TLL2: variants seen among roughly 807,000 people sequenced by gnomAD.
TLL2 encodes tolloid-like protein 2.
In TLL2, 106 loss-of-function variants were observed where a neutral mutation model predicts 123.0. The observed-to-expected ratio is 0.86, with a 90% CI of 0.74 to 1.01. TLL2 has a LOEUF of 1.01. Among genes scored for constraint, TLL2 ranks in the 50% least tolerant of loss-of-function variants. The probability of loss-of-function intolerance (pLI) is 0.00; values close to 1 mark genes in which losing one functional copy is unlikely to be tolerated. For missense variants in TLL2, 1,332 were observed against 1,336.7 expected (o/e 1.00, Z 0.06); for synonymous variants, 494 against 516.8 (o/e 0.96, Z 0.60).
intron 16 of TLL2, among the ~76,000 whole-genome samples, chr10:96,383,323 A>C (rs1225623665): frequency 2.0e-5 from 3 of 152,198 alleles, no homozygotes; most frequent in Admixed American, 6.5e-5. Flanking sequence ...ATGGTTTGGC[A>C]GTGTCCCTAC....
At chr10:96,419,271 G>A (rs1049255563) in intron 7 of TLL2, among the ~76,000 whole-genome samples, 4 of 152,174 alleles carry the variant, frequency 2.6e-5, no homozygotes, top group South Asian at 2.1e-4. Flanking sequence ...CATCTGCATC[G>A]GATTGAGAAA....
intron 2 of TLL2, among the ~76,000 whole-genome samples, chr10:96,457,540 T>A (rs755703630): frequency 2.6e-5 from 4 of 152,158 alleles, no homozygotes; most frequent in Non-Finnish European, 4.4e-5. Flanking sequence ...TTTGGTTCAG[T>A]GAAATTGTAG....
intron 19 of TLL2, among the ~76,000 whole-genome samples, chr10:96,372,212 C>T (rs551743898): frequency 1.3e-5 from 2 of 152,248 alleles, no homozygotes; most frequent in South Asian, 2.1e-4. Context: ...AACCATGCAG[C>T]GTTTTCTGCT....
In TLL2 at chr10:96,442,910, G is replaced by A. The variant is rs115161062; in HGVS notation, c.364+3181C>T. ...TTCCTTGAGCCTCTTTTAAGTTCCA[G>A]ACACCTGGCTATGTGCTTTACATAA... On this transcript the variant is annotated intron_variant, in intron 3 of 20. Transcript: ENST00000357947. Among the ~76,000 whole-genome samples, 1,139 of 152,212 alleles carry A rather than the reference G, an allele frequency of 7.5e-3. 13 individuals are homozygous for A. The highest frequency in any genetic ancestry group is 0.026 in the African/African-American group (1,078 of 41,518).
rs772220736 is a variant in TLL2, at chr10:96,368,052, A to AAAAC, written c.*35_*36insGTTT. ...TTGTTAAAAACAAAACAAAACAAAAAAAATTCTCAGTTTCTGTCTTTCAAG... is the reference window on the plus strand; with the variant it reads ...TTGTTAAAAACAAAACAAAACAAAAAAAACAAATTCTCAGTTTCTGTCTTTCAAG... On this transcript the variant is annotated 3_prime_UTR_variant, in exon 21 of 21. Coordinates refer to ENST00000357947, the MANE Select transcript of TLL2 (RefSeq NM_012465.4). The AAAAC allele has an allele frequency of 2.5e-6, 4 of 1,609,440 alleles. No individual in the cohort carries two copies. Among genetic ancestry groups the AAAAC allele is most frequent in the Non-Finnish European group, 3.4e-6 (4 of 1,177,018 alleles).
intron 10 of TLL2, among the ~76,000 whole-genome samples, chr10:96,397,945 G>A (rs1846357441): frequency 6.6e-6 from 1 of 152,152 alleles, no homozygotes; most frequent in South Asian, 2.1e-4. Flanking sequence ...GAGATCCCAG[G>A]TAGGTTTAAG....
At chr10:96,427,847 T>A in intron 5 of TLL2, among the ~76,000 whole-genome samples, 1 of 152,218 alleles carries the variant, frequency 6.6e-6, no homozygotes, top group Non-Finnish European at 1.5e-5. Context: ...CAGGCTGGAG[T>A]GCAATGGCGG....
intron 1 of TLL2, among the ~76,000 whole-genome samples, chr10:96,511,137 G>A (rs1847626100): frequency 6.6e-6 from 1 of 152,218 alleles, no homozygotes; most frequent in Non-Finnish European, 1.5e-5. Context: ...CCTAAAAGGA[G>A]AGCTTCTGGC....
At chr10:96,418,650 T>C (rs1282143647) in intron 7 of TLL2, among the ~76,000 whole-genome samples, 1 of 151,314 alleles carries the variant, frequency 6.6e-6, no homozygotes. Flanking sequence ...CTCAGTCTAC[T>C]GCCAGAGAAG....
In TLL2 at chr10:96,484,463, T is replaced by C. The variant is rs554149113; in HGVS notation, c.176-4004A>G. Among the ~76,000 whole-genome samples the C allele has an allele frequency of 3.9e-5, 6 of 152,272 alleles. No individual in the cohort carries two copies. The East Asian group carries it at 9.6e-4, about 24-fold the overall frequency. On this transcript the variant is annotated intron_variant, in intron 1 of 20. Transcript: ENST00000357947. ...CTTTGCAAAATGATCTGTATTCATA[T>C]TCTGGCTTTGGCAACCTCGCACATA...
rs1846047893 is a variant in TLL2, at chr10:96,368,239, G to A, written c.2914-17C>T. The stretch of plus-strand genomic sequence containing the variant: ...TTCTAATGGCTGAGGAAAGGAGAAA[G>A]GGAAACGAGAAGGACTTTAGCTGTG... On this transcript the variant is annotated splice_polypyrimidine_tract_variant and intron_variant, in intron 20 of 20. Coordinates refer to ENST00000357947, the MANE Select transcript of TLL2 (RefSeq NM_012465.4). 6.2e-7 allele frequency: 1 copy of A among 1,612,596 alleles called. No individual in the cohort carries two copies. The highest frequency in any genetic ancestry group is 1.3e-5 in the African/African-American group (1 of 74,914).
chr10:96,432,373 C>T (rs1387209772), intron 4 of TLL2, among the ~76,000 whole-genome samples: 1 of 152,078 alleles, frequency 6.6e-6, no homozygotes, highest in Non-Finnish European at 1.5e-5. Context: ...GTCCACTGGT[C>T]CCTTTGGTCA....
At chr10:96,501,195 G>A (rs909507424) in intron 1 of TLL2, among the ~76,000 whole-genome samples, 17 of 152,228 alleles carry the variant, frequency 1.1e-4, no homozygotes, top group Admixed American at 7.2e-4. Flanking sequence ...GGAATTAGCT[G>A]TGTAGTTAAG....
intron 3 of TLL2, among the ~76,000 whole-genome samples, chr10:96,435,620 TTTAG>T (rs1846788975): frequency 6.6e-6 from 1 of 152,226 alleles, no homozygotes; most frequent in African/African-American, 2.4e-5. Flanking sequence ...TTGATCCATT[TTTAG>T]TTAATTTTTG....
chr10:96,386,279 C>A, intron 14 of TLL2, 64 bp from the exon 15 acceptor site: 1 of 1,453,918 alleles, frequency 6.9e-7, no homozygotes, highest in Non-Finnish European at 9.2e-7. Context: ...TGATTTCCCA[C>A]CAGGAGCAAT....
At chr10:96,460,247 T>C (rs1292446005) in intron 2 of TLL2, among the ~76,000 whole-genome samples, 2 of 152,242 alleles carry the variant, frequency 1.3e-5, no homozygotes, top group Non-Finnish European at 2.9e-5. Context: ...AATAGACGTA[T>C]GGAGAGGGGA....
Position 96,370,237 on chromosome 10 carries a change from G to C in TLL2, c.2741C>G (p.Pro914Arg). The C allele has an allele frequency of 6.2e-7, 1 of 1,613,484 alleles. No homozygotes were observed. Among genetic ancestry groups the C allele is most frequent in the Non-Finnish European group, 8.5e-7 (1 of 1,179,652 alleles). ...CACCCAGTCACAGCGGGCCTCGCTCGGGTAGTTGTTGTCCCCAAACTGGGC... is the reference window on the plus strand; with the variant it reads ...CACCCAGTCACAGCGGGCCTCGCTCCGGTAGTTGTTGTCCCCAAACTGGGC... ...SHAQFGDNNYPSEARCDWVIV... is the reference protein window; with the variant it reads ...SHAQFGDNNYRSEARCDWVIV... Residue 914 changes from proline (P) to arginine (R), a missense_variant, in exon 20 of 21, where the codon CCG (proline) becomes CGG (arginine). Coordinates refer to ENST00000357947, the MANE Select transcript of TLL2 (RefSeq NM_012465.4).
chr10:96,447,090 T>A (rs1032502302), intron 2 of TLL2, among the ~76,000 whole-genome samples: 1 of 152,214 alleles, frequency 6.6e-6, no homozygotes, highest in Non-Finnish European at 1.5e-5. Flanking sequence ...GTAGGTGGGA[T>A]GGCAGTGAGA....
chr10:96,370,921 G>A (rs79505129), intron 19 of TLL2, among the ~76,000 whole-genome samples: 21,020 of 152,186 alleles, frequency 0.14, 1,497 homozygotes, highest in South Asian at 0.23. Context: ...CTGGTATTCT[G>A]TAGCCTTTGT....
Sources: allele counts gnomAD v4.1 joint callset (sites outside exome capture counted in the v4.1 genomes callset), GRCh38; gene constraint gnomAD v4.1.1; transcripts MANE v1.5; gene names NCBI Gene and HGNC (gene_info 2026-07-23, HGNC 2026-07-21).